Variants in TRAPPC9 observed in about 807,000 individuals in gnomAD.
TRAPPC9 encodes IKK2 binding protein.
Under a neutral mutation model 124.0 loss-of-function variants are expected in TRAPPC9, and 83 were observed. The observed-to-expected ratio is 0.67, with a 90% CI of 0.56 to 0.80. TRAPPC9 has a LOEUF of 0.80. TRAPPC9 is among the 30% of genes least tolerant of loss of function. The pLI is 0.00. For missense variants in TRAPPC9, 1,302 were observed against 1,508.3 expected (o/e 0.86, Z 2.27); for synonymous variants, 638 against 617.5 (o/e 1.03, Z -0.49).
At chr8:140,458,378 T>TGTGACCCTCACGGTACCCCCC (rs367682297), upstream of TRAPPC9, 3,894 of 1,597,686 alleles carry the variant, frequency 2.4e-3, 82 homozygotes, top group African/African-American at 0.045. Flanking sequence ...CGGCACCCCC[T>TGTGACCCTCACGGTACCCCCC]GTGACCCTCA....
At chr8:140,403,969 AC>A (rs779910862) in intron 6 of TRAPPC9, among the ~76,000 whole-genome samples, 2 of 152,192 alleles carry the variant, frequency 1.3e-5, no homozygotes, top group African/African-American at 2.4e-5. Context: ...GCCAAAAAAA[AC>A]ATATACTCTT....
intron 17 of TRAPPC9, among the ~76,000 whole-genome samples, chr8:140,195,321 A>C (rs1214366574): frequency 6.6e-6 from 1 of 151,878 alleles, no homozygotes; most frequent in Non-Finnish European, 1.5e-5. Context: ...CATCGTACAG[A>C]TCACACCTGT....
At chr8:140,160,851 G>T (rs564879896) in intron 17 of TRAPPC9, among the ~76,000 whole-genome samples, 2 of 152,068 alleles carry the variant, frequency 1.3e-5, no homozygotes, top group East Asian at 3.9e-4. Context: ...AAAAGTTTCT[G>T]CCCTATTTAA....
chr8:140,446,589 T>G (rs2132675879), intron 2 of TRAPPC9, among the ~76,000 whole-genome samples: 1 of 152,172 alleles, frequency 6.6e-6, no homozygotes, highest in East Asian at 2.0e-4. Context: ...GTTTCGCTCT[T>G]GTCGCCCAGG....
At chr8:140,004,535 C>T (rs1046436080) in intron 18 of TRAPPC9, among the ~76,000 whole-genome samples, 3 of 152,022 alleles carry the variant, frequency 2.0e-5, no homozygotes, top group African/African-American at 7.3e-5. Context: ...GATAACAACG[C>T]CTATGCTATG....
At chr8:140,390,335 T>C (rs895014893) in intron 7 of TRAPPC9, among the ~76,000 whole-genome samples, 3 of 151,982 alleles carry the variant, frequency 2.0e-5, no homozygotes, top group Non-Finnish European at 2.9e-5. Flanking sequence ...AAGAGATAAA[T>C]ATCAACTCCC....
At chr8:140,050,737 G>C (rs1841939754) in intron 17 of TRAPPC9, among the ~76,000 whole-genome samples, 2 of 152,162 alleles carry the variant, frequency 1.3e-5, no homozygotes, top group Non-Finnish European at 2.9e-5. Context: ...AAGGGGGGAA[G>C]TAATGAGTCA....
chr8:139,930,594 T>C (rs1833082807), intron 19 of TRAPPC9, among the ~76,000 whole-genome samples: 1 of 152,180 alleles, frequency 6.6e-6, no homozygotes, highest in African/African-American at 2.4e-5. Flanking sequence ...AGATTAATAT[T>C]CAAAGGCCAT....
At chr8:140,196,672 C>T (rs1418031618) in intron 17 of TRAPPC9, among the ~76,000 whole-genome samples, 1 of 151,942 alleles carries the variant, frequency 6.6e-6, no homozygotes, top group East Asian at 1.9e-4. Flanking sequence ...CTAAAACACA[C>T]TCAACAATCC....
At chr8:140,052,699 T>C (rs1404277401) in intron 17 of TRAPPC9, among the ~76,000 whole-genome samples, 1 of 152,020 alleles carries the variant, frequency 6.6e-6, no homozygotes, top group African/African-American at 2.4e-5. Flanking sequence ...GGAGAATTGC[T>C]TGAACCCGGG....
chr8:139,935,430 G>A (rs1336064568), intron 19 of TRAPPC9, among the ~76,000 whole-genome samples: 3 of 152,132 alleles, frequency 2.0e-5, no homozygotes, highest in East Asian at 1.9e-4. Flanking sequence ...ATCCCATGAC[G>A]TTCTTACAGG....
intron 18 of TRAPPC9, among the ~76,000 whole-genome samples, chr8:140,003,595 C>G (rs1435408110): frequency 8.1e-6 from 1 of 124,036 alleles, no homozygotes; most frequent in African/African-American, 4.1e-5. Flanking sequence ...GAGTGAGACC[C>G]TGTCACAAAA....
intron 19 of TRAPPC9, among the ~76,000 whole-genome samples, chr8:139,945,231 A>C (rs551576315): frequency 1.3e-5 from 2 of 152,308 alleles, no homozygotes; most frequent in Admixed American, 1.3e-4. Flanking sequence ...AAACTTATGC[A>C]GGTTTGGAGT....
Position 140,376,277 on chromosome 8 carries a change from C to A in TRAPPC9, c.1135-5097G>T, listed in dbSNP as rs150417537. Among the ~76,000 whole-genome samples, 24 of 152,210 alleles carry A rather than the reference C, an allele frequency of 1.6e-4. No homozygotes were observed. In the East Asian group the frequency reaches 4.6e-3, roughly 29 times the overall value. On this transcript the variant is annotated intron_variant, in intron 7 of 22. Coordinates refer to ENST00000438773, the MANE Select transcript of TRAPPC9 (RefSeq NM_001160372.4). ...CCATAAAGAATCACAGTGTTGGAGG[C>A]CGGGCGCGGTGGCTCACGCCTGTAA...
intron 17 of TRAPPC9, among the ~76,000 whole-genome samples, chr8:140,142,663 T>C (rs2061400050): frequency 6.6e-6 from 1 of 152,248 alleles, no homozygotes; most frequent in Non-Finnish European, 1.5e-5. Context: ...CAGGGACATC[T>C]TACCCACATT....
intron 21 of TRAPPC9, among the ~76,000 whole-genome samples, chr8:139,882,029 C>T (rs1274761280): frequency 2.0e-5 from 3 of 152,142 alleles, no homozygotes; most frequent in Admixed American, 1.3e-4. Flanking sequence ...AGGATGAATG[C>T]CACAGATTCA....
At chr8:139,982,905 G>T (rs866202498) in intron 19 of TRAPPC9, among the ~76,000 whole-genome samples, 34 of 152,172 alleles carry the variant, frequency 2.2e-4, no homozygotes, top group Middle Eastern at 6.8e-3. Flanking sequence ...CCACCATGCT[G>T]CTCCCCCTGC....
At chr8:140,201,876 G>A (rs774521905) in intron 17 of TRAPPC9, among the ~76,000 whole-genome samples, 3 of 152,114 alleles carry the variant, frequency 2.0e-5, no homozygotes, top group South Asian at 2.1e-4. Flanking sequence ...CGTGTCAGGC[G>A]AGAGGGAGCG....
intron 9 of TRAPPC9, among the ~76,000 whole-genome samples, chr8:140,340,742 C>A (rs1291696057): frequency 6.6e-6 from 1 of 152,218 alleles, no homozygotes; most frequent in African/African-American, 2.4e-5. Flanking sequence ...GCATCATCGT[C>A]CCCTTCCTAC....
Sources: allele counts gnomAD v4.1 joint callset (sites outside exome capture counted in the v4.1 genomes callset), GRCh38; gene constraint gnomAD v4.1.1; transcripts MANE v1.5; gene names NCBI Gene and HGNC (gene_info 2026-07-23, HGNC 2026-07-21).